TFAP2B: variants seen among roughly 807,000 people sequenced by gnomAD.
TFAP2B encodes transcription factor AP-2 beta.
A neutral mutation model predicts 44.3 loss-of-function variants in TFAP2B; 9 were observed. The observed-to-expected ratio is 0.20, with a 90% CI of 0.12 to 0.35. The LOEUF (loss-of-function observed/expected upper bound fraction) is 0.35. Ranked by LOEUF, TFAP2B falls within the 10% of genes least tolerant of loss-of-function variation. TFAP2B has a pLI of 1.00. For missense variants in TFAP2B, 509 were observed against 600.0 expected (o/e 0.85, Z 1.59); for synonymous variants, 270 against 263.8 (o/e 1.02, Z -0.23).
intron 3 of TFAP2B, chr6:50,830,290 T>C (rs1366475266): frequency 1.0e-6 from 1 of 984,908 alleles, no homozygotes. Context: ...AGAAATGTTA[T>C]TAATAGCCAG....
chr6:50,830,774 C>T (rs1434839064), intron 3 of TFAP2B, among the ~76,000 whole-genome samples: 2 of 152,132 alleles, frequency 1.3e-5, no homozygotes, highest in Non-Finnish European at 2.9e-5. Context: ...GTGGTGAGTT[C>T]ATTAGCCCCT....
Position 50,846,545 on chromosome 6 carries a change from A to G in TFAP2B, c.*3153A>G, listed in dbSNP as rs1056969208. ...CAGTCCCAAAACAAAATAGCGAAAG[A>G]CAGGAGGAGTCAGGATGTGGCAGTG... is the stretch of plus-strand genomic sequence containing the variant. On this transcript the variant is annotated 3_prime_UTR_variant, in exon 7 of 7. Transcript: ENST00000393655. 6.6e-6 allele frequency: 1 copy of G among 152,374 alleles called. No homozygotes were observed. Among genetic ancestry groups the G allele is most frequent in the African/African-American group, 2.4e-5 (1 of 41,438 alleles). 9.4% of individuals were successfully genotyped at this position (152,374 alleles called of 1,614,324 possible).
intron 3 of TFAP2B, among the ~76,000 whole-genome samples, chr6:50,831,303 C>G (rs1770662735): frequency 6.6e-6 from 1 of 152,144 alleles, no homozygotes; most frequent in African/African-American, 2.4e-5. Flanking sequence ...ATGGCTCTTT[C>G]ATTTGAAGAT....
intron 3 of TFAP2B, chr6:50,830,232 CA>C: frequency 1.1e-6 from 1 of 869,712 alleles, no homozygotes; most frequent in Non-Finnish European, 1.4e-6. Context: ...TGTATCCTAG[CA>C]ACATCATTTG....
chr6:50,840,284 C>T lies in TFAP2B; in HGVS notation c.1069C>T (p.Leu357=), dbSNP rs1458231926. The change falls in exon 6 of 7, where the codon CTG becomes TTG. Residue 357 remains leucine (L), a synonymous_variant. Coordinates refer to ENST00000393655, the MANE Select transcript of TFAP2B (RefSeq NM_003221.4). ...TGACCTGCACTCCCGAAAGAATATG[C>T]TGTTGGCCACCAAGTGAGTTTATTA... ...PSDLHSRKNM[L]LATKQLCKEF... 1 of 1,613,922 alleles carries T rather than the reference C, an allele frequency of 6.2e-7. No individual in the cohort carries two copies. The highest frequency in any genetic ancestry group is 1.7e-5 in the Admixed American group (1 of 60,024).
rs1404893829 is a variant in TFAP2B at position 50,844,708 on chromosome 6, C to A, written c.*1316C>A. 1 of 152,444 alleles carries A rather than the reference C, an allele frequency of 6.6e-6. No homozygotes were observed. Among genetic ancestry groups the A allele is most frequent in the East Asian group, 1.9e-4 (1 of 5,186 alleles). The allele number at this position is 152,444 out of a possible 1,614,324, so 9.4% of individuals were successfully genotyped here. A position where few individuals can be genotyped will look rare whatever the true frequency, so the allele number is the denominator to read the frequency against. ...AGAGCCCTATATTCTAATAGTATTGCCCTGCATTTAAAATTGATTTGATTT... is the reference window on the plus strand; with the variant it reads ...AGAGCCCTATATTCTAATAGTATTGACCTGCATTTAAAATTGATTTGATTT... On this transcript the variant is annotated 3_prime_UTR_variant, in exon 7 of 7. Coordinates refer to ENST00000393655, the MANE Select transcript of TFAP2B (RefSeq NM_003221.4).
chr6:50,839,594 C>A (rs965032767), intron 5 of TFAP2B, among the ~76,000 whole-genome samples: 1 of 152,098 alleles, frequency 6.6e-6, no homozygotes, highest in African/African-American at 2.4e-5. Flanking sequence ...AGGGGAGAAA[C>A]CTGAAACTTG....
intron 1 of TFAP2B, among the ~76,000 whole-genome samples, chr6:50,819,769 G>A (rs1770272058): frequency 6.6e-6 from 1 of 152,204 alleles, no homozygotes; most frequent in Non-Finnish European, 1.5e-5. Context: ...TCCGGCTCGG[G>A]CGAGGGCTGA....
intron 3 of TFAP2B, among the ~76,000 whole-genome samples, chr6:50,830,517 A>G (rs1183751375): frequency 6.6e-6 from 1 of 152,168 alleles, no homozygotes; most frequent in Non-Finnish European, 1.5e-5. Context: ...TGTCCCCCCA[A>G]ATGTACAGCT....
At position 50,821,957 on chromosome 6, in the gene TFAP2B, A is replaced by G. The variant is rs367939303; in HGVS notation, c.82-1450A>G. On this transcript the variant is annotated intron_variant, in intron 1 of 6. Transcript: ENST00000393655. ...ATAGTTCTGTCTGTGTGTGACAGGC[A>G]TCGCCAATCTTGTTGGGGTGGGGGG... 54 of 315,904 alleles carry G rather than the reference A, an allele frequency of 1.7e-4. No individual in the cohort carries two copies. In the East Asian group the frequency reaches 3.7e-3, roughly 22 times the overall value. The allele number at this position is 315,904 out of a possible 1,614,324, so 19.6% of individuals were successfully genotyped here. A position where few individuals can be genotyped will look rare whatever the true frequency, so the allele number is the denominator to read the frequency against.
upstream of TFAP2B, chr6:50,818,754 C>A (rs1033065813): frequency 9.6e-6 from 7 of 731,596 alleles, 1 homozygote; most frequent in Admixed American, 1.1e-4. Context: ...ACTTGTCCAG[C>A]CTATTGTTTG....
upstream of TFAP2B, chr6:50,818,740 G>A (rs185955317): frequency 1.5e-6 from 1 of 672,898 alleles, no homozygotes; most frequent in Non-Finnish European, 2.6e-6. Context: ...CTTTGCTGAG[G>A]CTTACTTGTC....
upstream of TFAP2B, chr6:50,818,703 T>C: frequency 1.7e-6 from 1 of 602,690 alleles, no homozygotes; most frequent in Non-Finnish European, 3.0e-6. Context: ...TGCATCTAAC[T>C]CCTGTGTGTG....
chr6:50,838,202 C>T (rs1295358395), intron 5 of TFAP2B, 109 bp downstream of exon 5: 1 of 959,378 alleles, frequency 1.0e-6, no homozygotes, highest in Non-Finnish European at 1.7e-6. Flanking sequence ...GATTGTTGTG[C>T]TCTTATGAGC....
chr6:50,819,836 C>CGAGGCGGGCGAGGCGGGA (rs1561956267), intron 1 of TFAP2B, among the ~76,000 whole-genome samples: 2 of 151,682 alleles, frequency 1.3e-5, no homozygotes, highest in African/African-American at 2.4e-5. Flanking sequence ...ACGAGGCGGC[C>CGAGGCGGGCGAGGCGGGA]GAGGCGGGCG....
intron 1 of TFAP2B, among the ~76,000 whole-genome samples, chr6:50,821,467 T>C (rs955557861): frequency 1.3e-5 from 2 of 151,560 alleles, no homozygotes; most frequent in Non-Finnish European, 2.9e-5. Context: ...ATTAGGGAAG[T>C]CTCTCTCCAG....
chr6:50,840,017 AG>A, intron 5 of TFAP2B, 138 bp from the exon 6 acceptor site: 1 of 1,102,176 alleles, frequency 9.1e-7, no homozygotes, highest in Non-Finnish European at 1.4e-6. Context: ...TTTTTCCTTT[AG>A]GCATCTCTCA....
intron 6 of TFAP2B, among the ~76,000 whole-genome samples, chr6:50,841,928 T>G (rs575438744): frequency 6.6e-6 from 1 of 152,198 alleles, no homozygotes; most frequent in African/African-American, 2.4e-5. Context: ...GTATTCCTCA[T>G]CAGATTTAGC....
rs140210899 is a variant in TFAP2B at position 50,840,212 on chromosome 6, G to T, written c.997G>T (p.Ala333Ser). Residue 333 changes from alanine to serine, a missense_variant, in exon 6 of 7, where the codon GCC becomes TCC. By Grantham distance (99) the Ala-to-Ser change is moderately conservative. Coordinates refer to ENST00000393655, the MANE Select transcript of TFAP2B (RefSeq NM_003221.4). ...FGYICETEFP[A>S]KAVSEYLNRQ... ...GTACATTTGCGAAACGGAGTTTCCC[G>T]CCAAAGCCGTCTCTGAGTATTTGAA... 256 of 1,614,032 alleles carry T rather than the reference G, an allele frequency of 1.6e-4. No individual in the cohort carries two copies. In the Middle Eastern group the frequency reaches 1.8e-3, roughly 11 times the overall value.
Sources: allele counts gnomAD v4.1 joint callset (sites outside exome capture counted in the v4.1 genomes callset), GRCh38; gene constraint gnomAD v4.1.1; transcripts MANE v1.5; gene names NCBI Gene and HGNC (gene_info 2026-07-23, HGNC 2026-07-21).